SNTG2: variants seen among roughly 807,000 people sequenced by gnomAD.
SNTG2 encodes gamma-2-syntrophin.
Under a neutral mutation model 70.9 loss-of-function variants are expected in SNTG2, and 74 were observed. That is an observed-to-expected ratio of 1.04 (90% CI 0.86 to 1.27). The LOEUF (loss-of-function observed/expected upper bound fraction) is 1.27, where lower values mean the gene tolerates loss of function less well. Among genes scored for constraint, SNTG2 ranks in the 50% most tolerant of loss-of-function variants. SNTG2 has a pLI of 0.00. For synonymous variants in SNTG2, 278 were observed against 273.8 expected (o/e 1.02, Z -0.15); for missense variants, 717 against 690.7 (o/e 1.04, Z -0.43).
intron 8 of SNTG2, among the ~76,000 whole-genome samples, chr2:1,206,410 G>T (rs970542536): frequency 1.8e-4 from 27 of 152,166 alleles, no homozygotes; most frequent in African/African-American, 6.3e-4. Context: ...GCAAAGAGCT[G>T]GGTGTGCTGG....
chr2:1,346,640 C>T (rs77344942), intron 16 of SNTG2: 2,085 of 152,342 alleles, frequency 0.014, 24 homozygotes, highest in Middle Eastern at 0.054. Context: ...TCTGAGCCAA[C>T]AGAGTGACTG....
chr2:1,278,526 T>C (rs1291156598), intron 14 of SNTG2, among the ~76,000 whole-genome samples: 1 of 152,208 alleles, frequency 6.6e-6, no homozygotes, highest in Non-Finnish European at 1.5e-5. Context: ...GCTAAGTTCT[T>C]TTATTTAAAA....
chr2:958,317 C>T (rs1450377852), intron 1 of SNTG2, among the ~76,000 whole-genome samples: 1 of 152,210 alleles, frequency 6.6e-6, no homozygotes, highest in African/African-American at 2.4e-5. Flanking sequence ...GAATATACAA[C>T]TGTTTTCTTA....
At chr2:954,410 A>G (rs190234744) in intron 1 of SNTG2, among the ~76,000 whole-genome samples, 187 of 152,326 alleles carry the variant, frequency 1.2e-3, no homozygotes, top group Non-Finnish European at 2.0e-3. Flanking sequence ...CACAACAAGG[A>G]AGGTGGAAAA....
At chr2:1,319,421 T>C (rs922224615) in intron 16 of SNTG2, among the ~76,000 whole-genome samples, 1 of 151,828 alleles carries the variant, frequency 6.6e-6, no homozygotes, top group Non-Finnish European at 1.5e-5. Flanking sequence ...GTAGGGCACA[T>C]AAATATGTCC....
At chr2:996,460 A>G (rs538743731) in intron 1 of SNTG2, among the ~76,000 whole-genome samples, 6 of 152,280 alleles carry the variant, frequency 3.9e-5, no homozygotes, top group Non-Finnish European at 7.4e-5. Flanking sequence ...AGGAATAAAC[A>G]TAAACATTTC....
chr2:1,035,483 C>G (rs1661079617), intron 1 of SNTG2, among the ~76,000 whole-genome samples: 1 of 152,214 alleles, frequency 6.6e-6, no homozygotes. Flanking sequence ...TTTGTTCTAT[C>G]AAGAGATGGA....
intron 12 of SNTG2, among the ~76,000 whole-genome samples, chr2:1,252,169 T>C (rs1677810692): frequency 6.6e-6 from 1 of 152,334 alleles, no homozygotes; most frequent in East Asian, 1.9e-4. Context: ...AAGAAGCCAC[T>C]CATTTCTTCT....
At chr2:1,016,101 C>T (rs1030195015) in intron 1 of SNTG2, among the ~76,000 whole-genome samples, 2 of 151,924 alleles carry the variant, frequency 1.3e-5, no homozygotes, top group Non-Finnish European at 2.9e-5. Context: ...ATCAACATAT[C>T]TAAATATGTT....
intron 1 of SNTG2, among the ~76,000 whole-genome samples, chr2:1,066,038 A>C (rs937839512): frequency 6.6e-6 from 1 of 152,250 alleles, no homozygotes; most frequent in African/African-American, 2.4e-5. Flanking sequence ...TTGTGGTTTC[A>C]GACCATGAAA....
rs560086069 is a variant in SNTG2 at position 1,364,181 on chromosome 2, C to T, written c.1489-3162C>T. Among the ~76,000 whole-genome samples, 25 of 150,392 alleles carry T rather than the reference C, an allele frequency of 1.7e-4. No homozygotes were observed. In the South Asian group the frequency reaches 3.6e-3, roughly 22 times the overall value. ...TTTTTTGGTAGGGACAGCATTTCACCATGTTGGCCAGGCTGGTGTCAAACT... is the reference window on the plus strand; with the variant it reads ...TTTTTTGGTAGGGACAGCATTTCACTATGTTGGCCAGGCTGGTGTCAAACT... On this transcript the variant is annotated intron_variant, in intron 16 of 16. Coordinates refer to ENST00000308624, the MANE Select transcript of SNTG2 (RefSeq NM_018968.4).
intron 11 of SNTG2, among the ~76,000 whole-genome samples, chr2:1,242,300 T>G (rs963345263): frequency 2.0e-5 from 3 of 152,232 alleles, no homozygotes; most frequent in African/African-American, 7.2e-5. Context: ...AATTGTGAGA[T>G]AATTGTTAAT....
intron 16 of SNTG2, among the ~76,000 whole-genome samples, chr2:1,319,316 G>A (rs942909149): frequency 2.0e-5 from 3 of 152,306 alleles, no homozygotes; most frequent in African/African-American, 4.8e-5. Context: ...TACCAGATTC[G>A]TAGGACTTGT....
chr2:1,060,899 G>A (rs1475174596), intron 1 of SNTG2, among the ~76,000 whole-genome samples: 2 of 152,158 alleles, frequency 1.3e-5, no homozygotes, highest in Non-Finnish European at 2.9e-5. Context: ...CCTGAATTAT[G>A]TATAAATTAC....
intron 1 of SNTG2, among the ~76,000 whole-genome samples, chr2:1,030,757 G>A (rs1558324934): frequency 6.6e-6 from 1 of 151,996 alleles, no homozygotes; most frequent in Non-Finnish European, 1.5e-5. Context: ...TCACCTTCTG[G>A]AACTTTCTCA....
intron 14 of SNTG2, among the ~76,000 whole-genome samples, chr2:1,271,005 C>T (rs1482981013): frequency 6.6e-6 from 1 of 152,166 alleles, no homozygotes; most frequent in South Asian, 2.1e-4. Context: ...CCTTCACAGT[C>T]GTTTCTGAAT....
At chr2:1,164,522 G>A (rs1212624537) in intron 6 of SNTG2, among the ~76,000 whole-genome samples, 1 of 123,612 alleles carries the variant, frequency 8.1e-6, no homozygotes, top group Admixed American at 7.6e-5. Context: ...GTAGGAACCT[G>A]CCCAAACTGT....
intron 10 of SNTG2, among the ~76,000 whole-genome samples, chr2:1,239,096 A>G (rs1008893247): frequency 6.6e-6 from 1 of 152,236 alleles, no homozygotes. Flanking sequence ...ATCTCAATAA[A>G]TAGGGAAGAA....
intron 1 of SNTG2, among the ~76,000 whole-genome samples, chr2:977,012 C>T (rs1300440173): frequency 1.3e-5 from 2 of 152,190 alleles, no homozygotes; most frequent in Non-Finnish European, 2.9e-5. Context: ...GTGGCAGCCC[C>T]ACCTGGCAGA....
Sources: allele counts gnomAD v4.1 joint callset (sites outside exome capture counted in the v4.1 genomes callset), GRCh38; gene constraint gnomAD v4.1.1; transcripts MANE v1.5; gene names NCBI Gene and HGNC (gene_info 2026-07-23, HGNC 2026-07-21).